The following CTNNA2 variants were observed in gnomAD, a reference collection of about 807,000 sequenced individuals.
The protein encoded by CTNNA2 is catenin alpha 2, also known as catenin alpha-2.
A neutral mutation model predicts 101.0 loss-of-function variants in CTNNA2; 42 were observed. The observed-to-expected ratio is 0.42, with a 90% CI of 0.32 to 0.54. CTNNA2 has a LOEUF of 0.54. Among genes scored for constraint, CTNNA2 ranks in the 20% least tolerant of loss-of-function variants. CTNNA2 has a pLI of 0.14. For missense variants in CTNNA2, 871 were observed against 1,223.1 expected, an observed-to-expected ratio of 0.71 and a Z score of 4.29; for synonymous variants, 450 against 456.4, an observed-to-expected ratio of 0.99 and a Z score of 0.18.
Position 79,606,113 on chromosome 2 carries a change from C to T in CTNNA2, c.-5-45439C>T, listed in dbSNP as rs181048891. 3.2e-3 allele frequency among the ~76,000 whole-genome samples: 487 copies of T among 152,036 alleles called. 3 individuals carry two copies. Among genetic ancestry groups the T allele is most frequent in the African/African-American group, 0.011 (471 of 41,444 alleles). On this transcript the variant is annotated intron_variant, in intron 1 of 18. Transcript: ENST00000402739. ...AAAATCAATAATATCTTGCCCATTA[C>T]AAAAACAGTATTCAAATATATATTT... is the stretch of plus-strand genomic sequence containing the variant.
rs1282016522 is a variant in CTNNA2, at chr2:80,567,395, C to T, written c.1742-6768C>T. On this transcript the variant is annotated intron_variant, in intron 12 of 18. Coordinates refer to ENST00000402739, the MANE Select transcript of CTNNA2 (RefSeq NM_001282597.3). ...GAATTGGAACTTCAGACTCGGTCTT[C>T]TTACAACTGATTATGCTTCATGGAT... Among the ~76,000 whole-genome samples, 5 of 152,132 alleles carry T rather than the reference C, an allele frequency of 3.3e-5. No individual in the cohort carries two copies. In the South Asian group the frequency reaches 1.0e-3, roughly 31 times the overall value.
intron 3 of CTNNA2, among the ~76,000 whole-genome samples, chr2:79,854,288 T>C (rs2103926484): frequency 6.6e-6 from 1 of 152,348 alleles, no homozygotes; most frequent in Non-Finnish European, 1.5e-5. Flanking sequence ...TTTGGATGCT[T>C]GAAGTGGTTG....
intron 4 of CTNNA2, among the ~76,000 whole-genome samples, chr2:79,422,169 T>C (rs529573647): frequency 6.6e-6 from 1 of 152,130 alleles, no homozygotes; most frequent in African/African-American, 2.4e-5. Context: ...AAACAAACAG[T>C]GAAGCTTATG....
chr2:80,281,714 A>T (rs915326936), intron 7 of CTNNA2, among the ~76,000 whole-genome samples: 4 of 152,078 alleles, frequency 2.6e-5, no homozygotes, highest in African/African-American at 9.7e-5. Flanking sequence ...TGAATTTTGC[A>T]GTTGTATAGT....
intron 3 of CTNNA2, among the ~76,000 whole-genome samples, chr2:79,752,724 G>A (rs924232740): frequency 5.9e-5 from 9 of 152,262 alleles, no homozygotes; most frequent in Admixed American, 1.3e-4. Flanking sequence ...TTAGAAGATC[G>A]TCACAGAATG....
chr2:80,516,904 T>A (rs1689154233), intron 9 of CTNNA2, among the ~76,000 whole-genome samples: 1 of 152,228 alleles, frequency 6.6e-6, no homozygotes, highest in Non-Finnish European at 1.5e-5. Flanking sequence ...CCATGTGAAA[T>A]CAGAAGAGAT....
intron 3 of CTNNA2, among the ~76,000 whole-genome samples, chr2:79,348,705 T>A (rs1451544): frequency 0.023 from 3,507 of 152,338 alleles, 113 homozygotes; most frequent in African/African-American, 0.08. Flanking sequence ...ATTGAGGTAA[T>A]CAAGGCAATA....
chr2:79,441,290 C>G (rs1678775315), intron 4 of CTNNA2, among the ~76,000 whole-genome samples: 1 of 152,162 alleles, frequency 6.6e-6, no homozygotes, highest in Admixed American at 6.5e-5. Flanking sequence ...TCAAATTAAA[C>G]TTTTCTAGTT....
intron 9 of CTNNA2, among the ~76,000 whole-genome samples, chr2:80,430,122 C>T (rs1009240545): frequency 1.3e-5 from 2 of 152,084 alleles, no homozygotes; most frequent in African/African-American, 4.8e-5. Context: ...TCAATTTTGT[C>T]TCTGTAATTT....
chr2:79,932,437 G>A (rs568659455), intron 7 of CTNNA2, among the ~76,000 whole-genome samples: 3 of 151,502 alleles, frequency 2.0e-5, no homozygotes, highest in African/African-American at 7.3e-5. Flanking sequence ...TTTTAACTCC[G>A]GCCACCTCTC....
intron 1 of CTNNA2, among the ~76,000 whole-genome samples, chr2:79,560,712 C>T (rs1674723127): frequency 1.3e-5 from 2 of 151,826 alleles, no homozygotes; most frequent in African/African-American, 4.8e-5. Context: ...TTAGGAAAAG[C>T]ATATGAAATA....
intron 2 of CTNNA2, among the ~76,000 whole-genome samples, chr2:79,711,180 A>G (rs1222390223): frequency 6.6e-6 from 1 of 152,226 alleles, no homozygotes; most frequent in Non-Finnish European, 1.5e-5. Flanking sequence ...GAGAAAACCT[A>G]TGGCAGTCTC....
chr2:80,512,149 C>CA (rs59359924), intron 9 of CTNNA2, among the ~76,000 whole-genome samples: 7,363 of 73,338 alleles, frequency 0.1, 697 homozygotes, highest in Non-Finnish European at 0.12. Context: ...CACTCTGTCT[C>CA]AAAAAAAAAA....
chr2:79,634,662 G>A (rs2104379903), intron 1 of CTNNA2: 1 of 152,392 alleles, frequency 6.6e-6, no homozygotes, highest in East Asian at 1.9e-4. Context: ...AACAGGTCAA[G>A]AAGTGATGCC....
At chr2:79,853,056 C>T (rs1358407934) in intron 3 of CTNNA2, among the ~76,000 whole-genome samples, 1 of 151,940 alleles carries the variant, frequency 6.6e-6, no homozygotes, top group African/African-American at 2.4e-5. Context: ...TTAGTAGAGA[C>T]ACAGTTTCAC....
chr2:79,579,450 A>G (rs1364608324), intron 1 of CTNNA2, among the ~76,000 whole-genome samples: 1 of 152,110 alleles, frequency 6.6e-6, no homozygotes, highest in East Asian at 1.9e-4. Flanking sequence ...GAACTTCTCT[A>G]TCGGTGGGAC....
intron 1 of CTNNA2, among the ~76,000 whole-genome samples, chr2:79,563,703 A>C (rs1674934627): frequency 6.6e-6 from 1 of 152,174 alleles, no homozygotes; most frequent in African/African-American, 2.4e-5. Context: ...AAAGTGTGGA[A>C]AATGTTTTGA....
chr2:80,598,590 C>T (rs1020748880), intron 15 of CTNNA2, among the ~76,000 whole-genome samples: 5 of 152,164 alleles, frequency 3.3e-5, no homozygotes, highest in East Asian at 3.8e-4. Flanking sequence ...TAAACAATTA[C>T]GTCAGGTTTA....
chr2:80,062,825 C>A (rs1429896147), intron 7 of CTNNA2, among the ~76,000 whole-genome samples: 1 of 151,768 alleles, frequency 6.6e-6, no homozygotes, highest in Non-Finnish European at 1.5e-5. Context: ...CCTGCCTTAG[C>A]CTCCCGAGTA....
Sources: gnomAD v4.1 joint callset for allele counts (sites outside exome capture counted in the v4.1 genomes callset) on GRCh38, gnomAD v4.1.1 for gene constraint, MANE v1.5 for transcripts, NCBI Gene and HGNC (gene_info 2026-07-23, HGNC 2026-07-21) for gene names.